STK33: variants seen among roughly 807,000 people sequenced by gnomAD.
STK33 encodes the protein serine/threonine kinase 33, also known as serine/threonine-protein kinase 33.
In STK33, 52 loss-of-function variants were observed where a neutral mutation model predicts 58.0. The ratio of observed to expected loss-of-function variants is 0.90; its 90% CI spans 0.72 to 1.13. The LOEUF (loss-of-function observed/expected upper bound fraction) is 1.13, where lower values mean the gene tolerates loss of function less well. Among genes scored for constraint, STK33 ranks in the 50% most tolerant of loss-of-function variants. The pLI, the probability that STK33 is intolerant of heterozygous loss-of-function variation, is 0.00. For synonymous variants in STK33, 215 were observed against 200.1 expected (o/e 1.07, Z -0.63); for missense variants, 630 against 604.2 (o/e 1.04, Z -0.45).
At chr11:8,369,295 C>CTG in the STK33 span, among the ~76,000 whole-genome samples, 50,507 of 137,444 alleles carry the variant, frequency 0.37, 9,569 homozygotes, top group Non-Finnish European at 0.43. Flanking sequence ...GGTTTTTACT[C>CTG]TGTGTGTGTG....
intron 1 of STK33, among the ~76,000 whole-genome samples, chr11:8,558,350 C>T (rs1162606813): frequency 1.4e-5 from 2 of 148,028 alleles, no homozygotes; most frequent in South Asian, 2.1e-4. Context: ...CAAGGACTTA[C>T]GGGGGAAATG....
intron 1 of STK33, among the ~76,000 whole-genome samples, chr11:8,581,584 A>G (rs1264155924): frequency 1.3e-5 from 2 of 152,212 alleles, no homozygotes; most frequent in Admixed American, 6.5e-5. Flanking sequence ...AAACACTTAG[A>G]GGGAGTCTTC....
intron 8 of STK33, among the ~76,000 whole-genome samples, chr11:8,460,519 T>C (rs1023695652): frequency 6.6e-6 from 1 of 151,854 alleles, no homozygotes; most frequent in Non-Finnish European, 1.5e-5. Flanking sequence ...TAAAAAATGA[T>C]TTAAAAAATG....
chr11:8,374,674 A>G, the STK33 span, among the ~76,000 whole-genome samples: 3 of 152,216 alleles, frequency 2.0e-5, no homozygotes, highest in Non-Finnish European at 4.4e-5. Flanking sequence ...CTCCAGATAC[A>G]GTCACACTGG....
intron 6 of STK33, among the ~76,000 whole-genome samples, chr11:8,471,640 A>G (rs1172663915): frequency 6.6e-6 from 1 of 152,168 alleles, no homozygotes; most frequent in Non-Finnish European, 1.5e-5. Flanking sequence ...TAAAATGAGT[A>G]TATTTTATGG....
chr11:8,559,378 C>G (rs140692914), intron 1 of STK33, among the ~76,000 whole-genome samples: 23 of 152,210 alleles, frequency 1.5e-4, no homozygotes, highest in African/African-American at 5.5e-4. Context: ...GCATGACAAT[C>G]ATGTAATAAA....
intron 1 of STK33, among the ~76,000 whole-genome samples, chr11:8,553,491 G>A (rs986007421): frequency 3.3e-5 from 5 of 151,530 alleles, no homozygotes; most frequent in African/African-American, 4.9e-5. Flanking sequence ...AATCATATGG[G>A]ACCACCACTG....
chr11:8,360,164 T>C, the STK33 span, among the ~76,000 whole-genome samples: 9 of 152,244 alleles, frequency 5.9e-5, no homozygotes, highest in African/African-American at 1.4e-4. Flanking sequence ...GACTTGATGG[T>C]GGCATGACAC....
At chr11:8,397,850 A>G (rs1267303347) in intron 15 of STK33, among the ~76,000 whole-genome samples, 4 of 152,186 alleles carry the variant, frequency 2.6e-5, no homozygotes, top group Non-Finnish European at 5.9e-5. Flanking sequence ...CAACTGGAAG[A>G]AACAGTATCA....
the STK33 span, among the ~76,000 whole-genome samples, chr11:8,348,473 G>A: frequency 6.6e-6 from 1 of 152,160 alleles, no homozygotes; most frequent in Non-Finnish European, 1.5e-5. Flanking sequence ...ACTATCAGGA[G>A]AACAGCAGCA....
chr11:8,570,770 T>C (rs1478626417), intron 1 of STK33, among the ~76,000 whole-genome samples: 1 of 152,184 alleles, frequency 6.6e-6, no homozygotes, highest in African/African-American at 2.4e-5. Context: ...GTGATGGATA[T>C]GTTCACTATC....
At chr11:8,449,729 T>G (rs918445262) in intron 11 of STK33, among the ~76,000 whole-genome samples, 1 of 151,984 alleles carries the variant, frequency 6.6e-6, no homozygotes, top group African/African-American at 2.4e-5. Context: ...TGTATACATA[T>G]GTAACTAACC....
chr11:8,343,987 C>T, the STK33 span, among the ~76,000 whole-genome samples: 8 of 152,164 alleles, frequency 5.3e-5, no homozygotes, highest in Admixed American at 2.0e-4. Context: ...GAGCCCCAGT[C>T]CACGGCTCCT....
intron 9 of STK33, 52 bp from the exon 10 acceptor site, chr11:8,454,884 G>C: frequency 6.9e-7 from 1 of 1,458,002 alleles, no homozygotes; most frequent in Non-Finnish European, 9.2e-7. Flanking sequence ...GGAAAAATAG[G>C]AGAGACACAT....
chr11:8,390,058 A>G (rs1848597280), downstream of STK33, among the ~76,000 whole-genome samples: 2 of 152,086 alleles, frequency 1.3e-5, 1 homozygote, highest in Admixed American at 1.3e-4. Flanking sequence ...CTTCTTTATT[A>G]ATTATAATTT....
chr11:8,399,188 C>T (rs1849930415), intron 15 of STK33, among the ~76,000 whole-genome samples: 1 of 152,168 alleles, frequency 6.6e-6, no homozygotes, highest in Non-Finnish European at 1.5e-5. Flanking sequence ...CACACCACAC[C>T]TATTCCAAAA....
At chr11:8,430,420 T>C (rs1347646711) in intron 14 of STK33, among the ~76,000 whole-genome samples, 1 of 152,112 alleles carries the variant, frequency 6.6e-6, no homozygotes, top group African/African-American at 2.4e-5. Flanking sequence ...ATCTTTTCGC[T>C]TCCCTGGGCC....
At chr11:8,456,850 G>A (rs1028159356) in intron 9 of STK33, among the ~76,000 whole-genome samples, 11 of 152,176 alleles carry the variant, frequency 7.2e-5, no homozygotes, top group Non-Finnish European at 1.6e-4. Context: ...GGGTGACAAT[G>A]ATATGTCAAT....
At chr11:8,455,962 CTCT>C (rs138674389) in intron 9 of STK33, among the ~76,000 whole-genome samples, 13 of 152,066 alleles carry the variant, frequency 8.5e-5, no homozygotes, top group Non-Finnish European at 1.9e-4. Context: ...GTTTCCATTG[CTCT>C]TCTTGTCTCT....
Sources: gnomAD v4.1 joint callset for allele counts (sites outside exome capture counted in the v4.1 genomes callset) on GRCh38, gnomAD v4.1.1 for gene constraint, MANE v1.5 for transcripts, NCBI Gene and HGNC (gene_info 2026-07-23, HGNC 2026-07-21) for gene names.